ERAL1: variants seen among roughly 807,000 people sequenced by gnomAD.
ERAL1 encodes GTPase Era, mitochondrial.
In ERAL1, 36 loss-of-function variants were observed where a neutral mutation model predicts 53.6. The ratio of observed to expected loss-of-function variants is 0.67; its 90% CI spans 0.51 to 0.89. The LOEUF is 0.89. Ranked by LOEUF, ERAL1 falls within the 40% of genes least tolerant of loss-of-function variation. The probability of loss-of-function intolerance (pLI) is 0.00; values close to 1 mark genes in which losing one functional copy is unlikely to be tolerated. For synonymous variants in ERAL1, 215 were observed against 211.8 expected, an observed-to-expected ratio of 1.02 and a Z score of -0.13; for missense variants, 512 against 537.5, an observed-to-expected ratio of 0.95 and a Z score of 0.47.
chr17:28,860,787 A>C lies in ERAL1; in HGVS notation c.*234A>C. 2.7e-6 allele frequency: 1 copy of C among 365,336 alleles called. No individual in the cohort carries two copies. Among genetic ancestry groups the C allele is most frequent in the Non-Finnish European group, 4.9e-6 (1 of 205,938 alleles). The allele number at this position is 365,336 out of a possible 1,614,324, so 22.6% of individuals were successfully genotyped here. ...AGGTGGTTCCTCTGCCTGGCACCACAGCTACAAAGGTGTAGCTAAGAAGAT... is the reference window on the plus strand; with the variant it reads ...AGGTGGTTCCTCTGCCTGGCACCACCGCTACAAAGGTGTAGCTAAGAAGAT... On this transcript the variant is annotated 3_prime_UTR_variant, in exon 10 of 10. Transcript: ENST00000254928.
Position 28,855,908 on chromosome 17 carries a change from T to G in ERAL1, c.284-356T>G, listed in dbSNP as rs904545458. Among the ~76,000 whole-genome samples, 18 of 152,220 alleles carry G rather than the reference T, an allele frequency of 1.2e-4. No individual in the cohort carries two copies. The East Asian group carries it at 2.1e-3, about 18-fold the overall frequency. Reference sequence around the variant, plus strand: ...CTTTGTGTAATCCAGCTTGCTTTCATGTACATTCACTTCTCAGGCACAGCT... The same window carrying G: ...CTTTGTGTAATCCAGCTTGCTTTCAGGTACATTCACTTCTCAGGCACAGCT... On this transcript the variant is annotated intron_variant, in intron 1 of 9. Coordinates refer to ENST00000254928, the MANE Select transcript of ERAL1 (RefSeq NM_005702.4).
At chr17:28,858,313 G>A in intron 5 of ERAL1, 61 bp from the exon 6 acceptor site, 1 of 1,610,214 alleles carries the variant, frequency 6.2e-7, no homozygotes, top group Non-Finnish European at 8.5e-7. Context: ...GGAAGTTTTT[G>A]TCAGGGCAGG....
In ERAL1 at chr17:28,855,250, C is replaced by G. The variant is rs776233370; in HGVS notation, c.216C>G (p.His72Gln). ...RSNGQGSALD[H>Q]FLGFSQPDSS... The stretch of plus-strand genomic sequence containing the variant: ...ATGGCCAGGGCTCTGCCCTGGACCA[C>G]TTCCTCGGATTCTCTCAGCCCGACA... Residue 72 changes from histidine to glutamine, a missense_variant, in exon 1 of 10, where the codon CAC (histidine) becomes CAG (glutamine). His to Gln is a conservative substitution (Grantham distance 24). Transcript: ENST00000254928. The G allele has an allele frequency of 6.2e-7, 1 of 1,613,032 alleles. No individual in the cohort carries two copies. The highest frequency in any genetic ancestry group is 1.1e-5 in the South Asian group (1 of 91,032).
At chr17:28,856,161 A>G (rs2039239770) in intron 1 of ERAL1, 103 bp from the exon 2 acceptor site, 1 of 1,429,542 alleles carries the variant, frequency 7.0e-7, no homozygotes, top group Admixed American at 1.9e-5. Context: ...AACCTGGTGC[A>G]CTAATTTTGT....
chr17:28,860,064 C>T (rs1450708189), intron 9 of ERAL1, among the ~76,000 whole-genome samples: 2 of 151,978 alleles, frequency 1.3e-5, no homozygotes, highest in Non-Finnish European at 2.9e-5. Flanking sequence ...CAACCTCTGC[C>T]TCCCAGGTTC....
rs2039272646 is a variant in ERAL1, at chr17:28,858,786, T to C, written c.922T>C (p.Leu308=). The C allele has an allele frequency of 6.2e-7, 1 of 1,614,180 alleles. No homozygotes were observed. The highest frequency in any genetic ancestry group is 8.5e-7 in the Non-Finnish European group (1 of 1,180,024). The change falls in exon 7 of 10, where the codon TTG becomes CTG. Residue 308 remains leucine, a synonymous_variant. Coordinates refer to ENST00000254928, the MANE Select transcript of ERAL1 (RefSeq NM_005702.4). ...GWPHFKEIFM[L]SALSQEDVKT... ...GCCCCACTTCAAGGAGATCTTCATG[T>C]TGTCAGCCCTAAGCCAGGAGGACGT...
In ERAL1 at chr17:28,860,682, C is replaced by G. The variant is rs1022479046; in HGVS notation, c.*129C>G. Reference sequence around the variant, plus strand: ...TGAACACTGACTGGCCACTAGCTGGCCTGGCCCTGTTGAGTCTGCACAGTC... The same window carrying G: ...TGAACACTGACTGGCCACTAGCTGGGCTGGCCCTGTTGAGTCTGCACAGTC... On this transcript the variant is annotated 3_prime_UTR_variant, in exon 10 of 10. Coordinates refer to ENST00000254928, the MANE Select transcript of ERAL1 (RefSeq NM_005702.4). The G allele has an allele frequency of 1.6e-6, 2 of 1,247,446 alleles. No individual in the cohort carries two copies. The highest frequency in any genetic ancestry group is 1.5e-5 in the African/African-American group (1 of 64,710). 77.3% of individuals were successfully genotyped at this position (1,247,446 alleles called of 1,614,324 possible). A position where few individuals can be genotyped will look rare whatever the true frequency, so the allele number is the denominator to read the frequency against.
intron 9 of ERAL1, 131 bp downstream of exon 9, chr17:28,859,414 AGTCTCGCTCT>A (rs1255800044): frequency 4.6e-6 from 4 of 864,958 alleles, no homozygotes; most frequent in Non-Finnish European, 7.1e-6. Context: ...TTTTTGAGAC[AGTCTCGCTCT>A]GTCACCCAGG....
intron 1 of ERAL1, 58 bp downstream of exon 1, chr17:28,855,375 C>T: frequency 2.7e-6 from 4 of 1,496,666 alleles, no homozygotes; most frequent in Admixed American, 2.4e-5. Context: ...TGAAAGGTTT[C>T]TGGGGATACT....
intron 3 of ERAL1, 88 bp downstream of exon 3, chr17:28,856,670 G>A (rs1027280600): frequency 1.7e-6 from 2 of 1,187,320 alleles, no homozygotes; most frequent in Non-Finnish European, 2.5e-6. Context: ...AGAAAATGAT[G>A]GTCACATTCA....
chr17:28,856,351 C>T lies in ERAL1; in HGVS notation c.371C>T (p.Ala124Val). The T allele has an allele frequency of 1.2e-6, 2 of 1,614,150 alleles. No homozygotes were observed. The highest frequency in any genetic ancestry group is 1.1e-5 in the South Asian group (1 of 91,086). ...GTGGTCCTCCTGGGAGCCCCGAATG[C>T]AGGGAAGTCAACACTCTCCAACCAG... is the stretch of plus-strand genomic sequence containing the variant. The part of the protein sequence containing the change: ...LRVVLLGAPN[A>V]GKSTLSNQLL... Residue 124 changes from alanine to valine, a missense_variant, in exon 2 of 10, where the codon GCA becomes GTA. Coordinates refer to ENST00000254928, the MANE Select transcript of ERAL1 (RefSeq NM_005702.4).
Position 28,856,343 on chromosome 17 carries a change from C to A in ERAL1, c.363C>A (p.Ala121=). 1.9e-6 allele frequency: 3 copies of A among 1,614,118 alleles called. No homozygotes were observed. Among genetic ancestry groups the A allele is most frequent in the Non-Finnish European group, 1.7e-6 (2 of 1,180,010 alleles). ...TCCTACGAGTGGTCCTCCTGGGAGC[C>A]CCGAATGCAGGGAAGTCAACACTCT... The part of the protein sequence containing the change: ...SRVLRVVLLG[A]PNAGKSTLSN... The change falls in exon 2 of 10, where the codon GCC becomes GCA. Residue 121 remains alanine (A), a synonymous_variant. Transcript: ENST00000254928.
intron 3 of ERAL1, among the ~76,000 whole-genome samples, chr17:28,857,186 C>T (rs2039255537): frequency 6.6e-6 from 1 of 150,834 alleles, no homozygotes; most frequent in Admixed American, 6.6e-5. Flanking sequence ...CAGCTCACTA[C>T]AACCTCTGCC....
chr17:28,856,517 T>A lies in ERAL1; in HGVS notation c.424T>A (p.Ser142Thr). 3 of 1,613,798 alleles carry A rather than the reference T, an allele frequency of 1.9e-6. No individual in the cohort carries two copies. The Admixed American group carries it at 5.0e-5, about 27-fold the overall frequency. Residue 142 changes from serine to threonine, a missense_variant, in exon 3 of 10, where the codon TCC becomes ACC. Physicochemically the swap from Ser to Thr is moderately conservative, Grantham distance 58. Coordinates refer to ENST00000254928, the MANE Select transcript of ERAL1 (RefSeq NM_005702.4). The part of the protein sequence containing the change: ...QLLGRKVFPV[S>T]RKVHTTRCQA... ...TTGTTCCTGGCAGGTGTTCCCTGTT[T>A]CCAGGAAGGTGCATACTACTCGCTG...
At chr17:28,858,034 G>A in intron 4 of ERAL1, 49 bp downstream of exon 4, 1 of 1,613,610 alleles carries the variant, frequency 6.2e-7, no homozygotes, top group Non-Finnish European at 8.5e-7. Context: ...ACTGAAAGAG[G>A]GTGGGGAGAT....
Position 28,858,414 on chromosome 17 carries a change from C to T in ERAL1, c.639C>T (p.Asn213=). The change falls in exon 6 of 10, where the codon AAC becomes AAT. Residue 213 remains asparagine, a synonymous_variant. Coordinates refer to ENST00000254928, the MANE Select transcript of ERAL1 (RefSeq NM_005702.4). ...ATGTCTCAGACAAGTGGACACGGAACCAGCTCAGCCCCCAGTTGCTCAGGT... is the reference window on the plus strand; with the variant it reads ...ATGTCTCAGACAAGTGGACACGGAATCAGCTCAGCCCCCAGTTGCTCAGGT... ...LVDVSDKWTR[N]QLSPQLLRCL... The T allele has an allele frequency of 6.2e-7, 1 of 1,614,118 alleles. No homozygotes were observed. Among genetic ancestry groups the T allele is most frequent in the South Asian group, 1.1e-5 (1 of 91,070 alleles).
chr17:28,860,325 T>C, intron 9 of ERAL1, 106 bp from the exon 10 acceptor site: 1 of 1,381,960 alleles, frequency 7.2e-7, no homozygotes, highest in Non-Finnish European at 9.9e-7. Flanking sequence ...CAGGCTGGAC[T>C]CAAACTCCTG....
At position 28,860,714 on chromosome 17, in the gene ERAL1, C is replaced by T. The variant is rs2039298120; in HGVS notation, c.*161C>T. On this transcript the variant is annotated 3_prime_UTR_variant, in exon 10 of 10. Transcript: ENST00000254928. The stretch of plus-strand genomic sequence containing the variant: ...CTGTTGAGTCTGCACAGTCCCTGCC[C>T]AGCTGTGTCTTCTGTTGGAAGAAGG... 1.2e-5 allele frequency: 10 copies of T among 817,142 alleles called. No individual in the cohort carries two copies. Among genetic ancestry groups the T allele is most frequent in the Non-Finnish European group, 1.8e-5 (10 of 568,298 alleles). The allele number at this position is 817,142 out of a possible 1,614,324, so 50.6% of individuals were successfully genotyped here.
At chr17:28,856,713 T>TA in intron 3 of ERAL1, 131 bp downstream of exon 3, 4 of 813,174 alleles carry the variant, frequency 4.9e-6, no homozygotes, top group Non-Finnish European at 8.0e-6. Context: ...CTTTTCTTTT[T>TA]CTTTTTTTTT....
Sources: gnomAD v4.1 joint callset for allele counts (sites outside exome capture counted in the v4.1 genomes callset) on GRCh38, gnomAD v4.1.1 for gene constraint, MANE v1.5 for transcripts, NCBI Gene and HGNC (gene_info 2026-07-23, HGNC 2026-07-21) for gene names.